RAD50: variants seen among roughly 807,000 people sequenced by gnomAD.
RAD50 encodes the protein RAD50 double strand break repair protein, also known as DNA repair protein RAD50.
RAD50 carries 132 observed loss-of-function variants against 168.8 expected under a neutral mutation model. The observed-to-expected ratio is 0.78, with a 90% CI of 0.68 to 0.90. The LOEUF is 0.90. Ranked by LOEUF, RAD50 falls within the 40% of genes least tolerant of loss-of-function variation. The probability of loss-of-function intolerance (pLI) is 0.00; values close to 1 mark genes in which losing one functional copy is unlikely to be tolerated. For missense variants in RAD50, 1,347 were observed against 1,534.4 expected, an observed-to-expected ratio of 0.88 and a Z score of 2.04; for synonymous variants, 525 against 497.4, an observed-to-expected ratio of 1.06 and a Z score of -0.74.
intron 21 of RAD50, among the ~76,000 whole-genome samples, chr5:132,633,561 A>G (rs955825492): frequency 6.7e-6 from 1 of 150,136 alleles, no homozygotes; most frequent in Non-Finnish European, 1.5e-5. Flanking sequence ...GTTTTATTTT[A>G]CCTTAGCTTT....
intron 10 of RAD50, 101 bp downstream of exon 10, chr5:132,591,507 C>A: frequency 8.2e-7 from 1 of 1,220,528 alleles, no homozygotes; most frequent in Non-Finnish European, 1.2e-6. Context: ...TTGGTATTGA[C>A]TATATTTTAG....
In RAD50 at chr5:132,643,134, G is replaced by T; in HGVS notation, c.*770G>T. The T allele has an allele frequency of 1.9e-6, 1 of 518,980 alleles. No individual in the cohort carries two copies. The allele number at this position is 518,980 out of a possible 1,614,324, so 32.1% of individuals were successfully genotyped here. ...GAAGAAGCCTGTAACACTCCTCTGC[G>T]TCTATCCTGTGTAGCATACTGGCTT... is the stretch of plus-strand genomic sequence containing the variant. On this transcript the variant is annotated 3_prime_UTR_variant, in exon 25 of 25. Transcript: ENST00000378823.
chr5:132,590,191 C>T (rs1431333431), intron 9 of RAD50, among the ~76,000 whole-genome samples: 3 of 152,184 alleles, frequency 2.0e-5, no homozygotes, highest in South Asian at 2.1e-4. Flanking sequence ...CTTACCAGGC[C>T]GGGTGCGGTG....
At chr5:132,572,731 C>A (rs992530466) in intron 2 of RAD50, among the ~76,000 whole-genome samples, 1 of 152,112 alleles carries the variant, frequency 6.6e-6, no homozygotes, top group East Asian at 1.9e-4. Context: ...GGGTTTATAG[C>A]AAAATTGAGC....
intron 19 of RAD50, among the ~76,000 whole-genome samples, chr5:132,614,702 AT>A (rs1037765890): frequency 1.1e-4 from 17 of 150,106 alleles, no homozygotes; most frequent in Non-Finnish European, 2.1e-4. Context: ...ATTACTTTTT[AT>A]TTTTTTTCCC....
intron 20 of RAD50, 146 bp downstream of exon 20, chr5:132,616,276 T>C: frequency 3.8e-6 from 3 of 783,052 alleles, no homozygotes; most frequent in Admixed American, 5.4e-5. Context: ...TTTGATACAA[T>C]TATATTTCAT....
At chr5:132,601,600 T>C (rs1173119142) in intron 13 of RAD50, among the ~76,000 whole-genome samples, 1 of 152,182 alleles carries the variant, frequency 6.6e-6, no homozygotes, top group Non-Finnish European at 1.5e-5. Context: ...CCTGCATACC[T>C]TCATATTTAT....
At chr5:132,613,861 T>C (rs1751130767) in intron 19 of RAD50, among the ~76,000 whole-genome samples, 1 of 152,118 alleles carries the variant, frequency 6.6e-6, no homozygotes, top group Non-Finnish European at 1.5e-5. Flanking sequence ...CCTCCCAAAG[T>C]GCTGGGATTA....
intron 21 of RAD50, among the ~76,000 whole-genome samples, chr5:132,625,994 C>T (rs1751366470): frequency 6.6e-6 from 1 of 151,834 alleles, no homozygotes; most frequent in South Asian, 2.1e-4. Context: ...CCTCAGCCTC[C>T]GAGTAGCTGG....
intron 2 of RAD50, among the ~76,000 whole-genome samples, chr5:132,574,034 A>G (rs569423761): frequency 6.6e-6 from 1 of 152,348 alleles, no homozygotes; most frequent in East Asian, 1.9e-4. Flanking sequence ...GCAAGCTGTC[A>G]GTGGATCTAT....
intron 1 of RAD50, 107 bp from the exon 2 acceptor site, chr5:132,559,177 C>A: frequency 1.8e-6 from 2 of 1,114,556 alleles, no homozygotes; most frequent in Non-Finnish European, 1.2e-6. Context: ...CAGATTTTAT[C>A]TTTTATAGTT....
intron 1 of RAD50, among the ~76,000 whole-genome samples, chr5:132,558,616 C>T (rs1750058582): frequency 6.9e-6 from 1 of 144,874 alleles, no homozygotes; most frequent in Non-Finnish European, 1.5e-5. Context: ...GAGGCCGAGG[C>T]GGGAGAATCG....
At chr5:132,604,116 AT>A in intron 15 of RAD50, 70 bp downstream of exon 15, 1 of 1,566,098 alleles carries the variant, frequency 6.4e-7, no homozygotes, top group Non-Finnish European at 8.8e-7. Flanking sequence ...TTTACAGTCA[AT>A]TTTATATCTG....
chr5:132,580,561 G>T (rs986315812), intron 5 of RAD50, among the ~76,000 whole-genome samples: 1 of 152,132 alleles, frequency 6.6e-6, no homozygotes, highest in Admixed American at 6.5e-5. Flanking sequence ...TCTTTCTAGA[G>T]AATTTTTAAA....
At chr5:132,559,010 ATTAAC>A (rs1166880522) in intron 1 of RAD50, among the ~76,000 whole-genome samples, 2 of 152,238 alleles carry the variant, frequency 1.3e-5, no homozygotes, top group Non-Finnish European at 2.9e-5. Flanking sequence ...CATTCTTATT[ATTAAC>A]TTAAATTAGT....
At chr5:132,593,227 G>A in intron 11 of RAD50, 1 of 176,656 alleles carries the variant, frequency 5.7e-6, no homozygotes. Context: ...CCATAAATTT[G>A]ATACTTGTTC....
intron 23 of RAD50, among the ~76,000 whole-genome samples, chr5:132,639,990 G>A (rs1318820029): frequency 1.3e-5 from 2 of 152,192 alleles, no homozygotes; most frequent in African/African-American, 4.8e-5. Flanking sequence ...TCCTAGAATA[G>A]CCCTACTCTC....
intron 3 of RAD50, 141 bp from the exon 4 acceptor site, chr5:132,579,176 A>G: frequency 2.5e-6 from 2 of 799,694 alleles, no homozygotes; most frequent in South Asian, 1.7e-5. Context: ...ACTTTTTAGC[A>G]TGATGAAGCC....
At chr5:132,558,447 A>C (rs1317643643) in intron 1 of RAD50, among the ~76,000 whole-genome samples, 1 of 152,200 alleles carries the variant, frequency 6.6e-6, no homozygotes, top group Non-Finnish European at 1.5e-5. Context: ...ACGGTGGCTC[A>C]CGCCTGTAAT....
Sources: allele counts gnomAD v4.1 joint callset (sites outside exome capture counted in the v4.1 genomes callset), GRCh38; gene constraint gnomAD v4.1.1; transcripts MANE v1.5; gene names NCBI Gene and HGNC (gene_info 2026-07-23, HGNC 2026-07-21).